TBC1D22B: variants seen among roughly 807,000 people sequenced by gnomAD.
TBC1D22B encodes the protein chromosome 6 open reading frame 197.
TBC1D22B carries 32 observed loss-of-function variants against 69.1 expected under a neutral mutation model. The ratio of observed to expected loss-of-function variants is 0.46; its 90% CI spans 0.35 to 0.62. The LOEUF is 0.62. TBC1D22B is among the 20% of genes least tolerant of loss of function. TBC1D22B has a pLI of 0.00. For missense variants in TBC1D22B, 462 were observed against 630.9 expected, an observed-to-expected ratio of 0.73 and a Z score of 2.87; for synonymous variants, 206 against 229.8, an observed-to-expected ratio of 0.90 and a Z score of 0.94.
Position 37,285,315 on chromosome 6 carries a change from C to CTTTTTTTTTTTTTTTTT in TBC1D22B, c.801+862_801+878dup, listed in dbSNP as rs756459599. Among the ~76,000 whole-genome samples, 19 of 73,562 alleles carry CTTTTTTTTTTTTTTTTT rather than the reference C, an allele frequency of 2.6e-4. 3 individuals are homozygous for CTTTTTTTTTTTTTTTTT. The highest frequency in any genetic ancestry group is 8.9e-4 in the African/African-American group (15 of 16,858). 48.3% of individuals were successfully genotyped at this position (73,562 alleles called of 152,430 possible). On this transcript the variant is annotated intron_variant, in intron 6 of 12. Coordinates refer to ENST00000373491, the MANE Select transcript of TBC1D22B (RefSeq NM_017772.4). ...GCCAACTCCTTTTGGTCCTTCCCCA[C>CTTTTTTTTTTTTTTTTT]TTTTTTTTTTTTTTTTTTTTTTTTT... is the stretch of plus-strand genomic sequence containing the variant.
chr6:37,327,433 G>C (rs1357375350), intron 12 of TBC1D22B, among the ~76,000 whole-genome samples: 6 of 76,148 alleles, frequency 7.9e-5, no homozygotes, highest in Non-Finnish European at 1.3e-4. Context: ...AGCCGAGATC[G>C]TGCCACTGCA....
chr6:37,321,807 G>T (rs949035826), intron 12 of TBC1D22B, among the ~76,000 whole-genome samples: 1 of 152,210 alleles, frequency 6.6e-6, no homozygotes, highest in African/African-American at 2.4e-5. Flanking sequence ...TAGATCAGTG[G>T]CTGGGGAGGC....
At chr6:37,329,010 A>AG (rs748482479) in intron 12 of TBC1D22B, among the ~76,000 whole-genome samples, 2 of 151,746 alleles carry the variant, frequency 1.3e-5, no homozygotes, top group Non-Finnish European at 2.9e-5. Flanking sequence ...TACAGGCATG[A>AG]GCCACTGCGC....
intron 8 of TBC1D22B, among the ~76,000 whole-genome samples, chr6:37,309,648 C>T (rs948948194): frequency 6.6e-6 from 1 of 152,066 alleles, no homozygotes; most frequent in African/African-American, 2.4e-5. Flanking sequence ...CCCTTGTGCA[C>T]CGTTGTGAGG....
intron 1 of TBC1D22B, 153 bp downstream of exon 1, chr6:37,258,126 G>A: frequency 1.2e-6 from 1 of 862,026 alleles, no homozygotes; most frequent in Admixed American, 3.1e-5. Context: ...CTGTCAGGCA[G>A]CGAAGCGAAC....
At position 37,317,123 on chromosome 6, in the gene TBC1D22B, G is replaced by T; in HGVS notation, c.1306G>T (p.Gly436Trp). ...TTCTGCTTCCCAGTCTGAACCAGAA[G>T]GGTTCTCCCACTTTCATCTCTACGT... ...LWDTYQSEPE[G>W]FSHFHLYVCA... Residue 436 changes from glycine (G) to tryptophan (W), a missense_variant, in exon 12 of 13, where the codon GGG becomes TGG. Gly to Trp is a radical substitution (Grantham distance 184). This residue lies in a region of TBC1D22B where 225 missense variants were observed against 375.4 expected (regional missense o/e 0.60). Coordinates refer to ENST00000373491, the MANE Select transcript of TBC1D22B (RefSeq NM_017772.4). The T allele has an allele frequency of 6.4e-7, 1 of 1,571,158 alleles. No individual in the cohort carries two copies. The highest frequency in any genetic ancestry group is 8.7e-7 in the Non-Finnish European group (1 of 1,155,938).
At chr6:37,294,541 A>T (rs991913871) in intron 8 of TBC1D22B, among the ~76,000 whole-genome samples, 4 of 152,116 alleles carry the variant, frequency 2.6e-5, no homozygotes, top group African/African-American at 9.7e-5. Context: ...ACAGGCTGAC[A>T]CTCTTGTTAG....
At chr6:37,326,196 A>G (rs1768398641) in intron 12 of TBC1D22B, among the ~76,000 whole-genome samples, 2 of 151,078 alleles carry the variant, frequency 1.3e-5, no homozygotes, top group Middle Eastern at 3.5e-3. Context: ...CCTGGCCAAC[A>G]TGGTGAAACC....
At chr6:37,330,951 G>A in intron 12 of TBC1D22B, 93 bp from the exon 13 acceptor site, 2 of 1,411,682 alleles carry the variant, frequency 1.4e-6, no homozygotes, top group Non-Finnish European at 2.0e-6. Context: ...AGGAGGAAGG[G>A]GCCCCATTCT....
In TBC1D22B at chr6:37,297,107, G is replaced by A. The variant is rs188141980; in HGVS notation, c.982+5750G>A. 1.5e-3 allele frequency among the ~76,000 whole-genome samples: 227 copies of A among 152,270 alleles called. 1 individual carries two copies. Among genetic ancestry groups the A allele is most frequent in the African/African-American group, 4.6e-3 (192 of 41,538 alleles). ...CTCCTAAAGTGCTGGGATTACAGGC[G>A]TGAGCCACTGCACCTGGCCAAAGAC... On this transcript the variant is annotated intron_variant, in intron 8 of 12. Coordinates refer to ENST00000373491, the MANE Select transcript of TBC1D22B (RefSeq NM_017772.4).
intron 11 of TBC1D22B, 28 bp from the exon 12 acceptor site, chr6:37,317,083 G>A: frequency 1.3e-6 from 2 of 1,551,226 alleles, no homozygotes; most frequent in Non-Finnish European, 1.7e-6. Context: ...AGGGCTGGGA[G>A]ACCTAACTCT....
chr6:37,328,012 C>A (rs1267672837), intron 12 of TBC1D22B, among the ~76,000 whole-genome samples: 1 of 151,920 alleles, frequency 6.6e-6, no homozygotes, highest in African/African-American at 2.4e-5. Flanking sequence ...ATGTTAAAGA[C>A]CTTTAAAATG....
At chr6:37,316,627 G>T in intron 10 of TBC1D22B, 76 bp from the exon 11 acceptor site, 1 of 1,574,230 alleles carries the variant, frequency 6.4e-7, no homozygotes, top group Non-Finnish European at 8.7e-7. Context: ...AGAAGTGGGA[G>T]CTGCTATTTT....
At chr6:37,320,436 AC>A (rs11299829) in intron 12 of TBC1D22B, among the ~76,000 whole-genome samples, 1,752 of 152,330 alleles carry the variant, frequency 0.012, 28 homozygotes, top group Middle Eastern at 0.044. Context: ...AGAATAGTGT[AC>A]TTGATATATA....
At chr6:37,301,860 G>A (rs893705680) in intron 8 of TBC1D22B, among the ~76,000 whole-genome samples, 24 of 152,084 alleles carry the variant, frequency 1.6e-4, no homozygotes, top group African/African-American at 5.6e-4. Context: ...CCTACTGTAG[G>A]AAGCCTCAAG....
intron 1 of TBC1D22B, among the ~76,000 whole-genome samples, chr6:37,264,335 G>C (rs1163406466): frequency 1.3e-5 from 2 of 152,198 alleles, no homozygotes; most frequent in East Asian, 3.9e-4. Context: ...TTTTTGACAC[G>C]GGGTTTCACT....
chr6:37,303,147 A>G (rs2113768123), intron 8 of TBC1D22B, among the ~76,000 whole-genome samples: 1 of 152,328 alleles, frequency 6.6e-6, no homozygotes, highest in South Asian at 2.1e-4. Context: ...CCTAGCAGCA[A>G]GTGAGGCTGA....
At chr6:37,303,128 G>A (rs146311202) in intron 8 of TBC1D22B, among the ~76,000 whole-genome samples, 7 of 152,266 alleles carry the variant, frequency 4.6e-5, no homozygotes, top group East Asian at 1.9e-4. Context: ...ACTTAATCTC[G>A]TGGGCACACC....
At chr6:37,315,207 A>C (rs1768041293) in intron 10 of TBC1D22B, among the ~76,000 whole-genome samples, 1 of 152,198 alleles carries the variant, frequency 6.6e-6, no homozygotes, top group Non-Finnish European at 1.5e-5. Flanking sequence ...ACTTTGGAAT[A>C]GTGGATTTTT....
Sources: allele counts gnomAD v4.1 joint callset (sites outside exome capture counted in the v4.1 genomes callset), GRCh38; gene constraint gnomAD v4.1.1; regional missense constraint gnomAD v4.1.1; transcripts MANE v1.5; gene names NCBI Gene and HGNC (gene_info 2026-07-23, HGNC 2026-07-21).